ADAMTS16: variants seen among roughly 807,000 people sequenced by gnomAD.
ADAMTS16 encodes the protein A disintegrin and metalloproteinase with thrombospondin motifs 16.
Under a neutral mutation model 145.8 loss-of-function variants are expected in ADAMTS16, and 94 were observed. The ratio of observed to expected loss-of-function variants is 0.64; its 90% CI spans 0.55 to 0.77. The LOEUF is 0.77. Among genes scored for constraint, ADAMTS16 ranks in the 30% least tolerant of loss-of-function variants. ADAMTS16 has a pLI of 0.00. For synonymous variants in ADAMTS16, 659 were observed against 604.3 expected (o/e 1.09, Z -1.33); for missense variants, 1,585 against 1,591.5 (o/e 1.00, Z 0.07).
chr5:5,259,371 G>A (rs1018944304), intron 17 of ADAMTS16, among the ~76,000 whole-genome samples: 2 of 152,218 alleles, frequency 1.3e-5, no homozygotes, highest in Admixed American at 6.5e-5. Flanking sequence ...TTGAATCGAG[G>A]TTCAGGCAGC....
chr5:5,304,809 G>A (rs1739960291), intron 20 of ADAMTS16, among the ~76,000 whole-genome samples: 1 of 152,004 alleles, frequency 6.6e-6, no homozygotes, highest in African/African-American at 2.4e-5. Context: ...CCACAGAACT[G>A]AACGCACTGT....
chr5:5,204,182 T>A (rs1409012970), intron 9 of ADAMTS16, among the ~76,000 whole-genome samples: 1 of 152,128 alleles, frequency 6.6e-6, no homozygotes, highest in Non-Finnish European at 1.5e-5. Flanking sequence ...TCAGTCTTCT[T>A]AACTGAAAAA....
At chr5:5,189,823 C>A (rs777374929) in intron 6 of ADAMTS16, 148 bp from the exon 7 acceptor site, 4 of 896,660 alleles carry the variant, frequency 4.5e-6, no homozygotes, top group Non-Finnish European at 6.7e-6. Context: ...TTATAGAATA[C>A]GTAAAATACA....
At chr5:5,312,624 T>C (rs1457239488) in intron 21 of ADAMTS16, among the ~76,000 whole-genome samples, 2 of 152,178 alleles carry the variant, frequency 1.3e-5, no homozygotes, top group African/African-American at 4.8e-5. Flanking sequence ...ATTTTTGTAA[T>C]TTTAGTAGAG....
intron 18 of ADAMTS16, among the ~76,000 whole-genome samples, chr5:5,263,903 G>A (rs1488037211): frequency 6.6e-6 from 1 of 152,156 alleles, no homozygotes; most frequent in East Asian, 1.9e-4. Flanking sequence ...GAAGAATGAG[G>A]TCATGCTTGA....
At chr5:5,170,552 A>G (rs1035641897) in intron 3 of ADAMTS16, among the ~76,000 whole-genome samples, 2 of 151,484 alleles carry the variant, frequency 1.3e-5, no homozygotes, top group African/African-American at 2.4e-5. Flanking sequence ...CTAATTTTAT[A>G]TTTTTAGTAG....
Position 5,222,729 on chromosome 5 carries a change from T to C in ADAMTS16, c.1606-60T>C. The C allele has an allele frequency of 5.9e-6, 8 of 1,367,384 alleles. No individual in the cohort carries two copies. The South Asian group carries it at 9.4e-5, about 16-fold the overall frequency. The allele number at this position is 1,367,384 out of a possible 1,614,324, so 84.7% of individuals were successfully genotyped here. On this transcript the variant is annotated intron_variant, in intron 10 of 22. Transcript: ENST00000274181. ...ACCTTAAATCTCTCAGTGATATTTTTATTATAGATGAATTGACAATATGAT... is the reference window on the plus strand; with the variant it reads ...ACCTTAAATCTCTCAGTGATATTTTCATTATAGATGAATTGACAATATGAT...
At chr5:5,262,877 T>C in intron 18 of ADAMTS16, 94 bp downstream of exon 18, 2 of 1,539,412 alleles carry the variant, frequency 1.3e-6, no homozygotes, top group Non-Finnish European at 1.8e-6. Flanking sequence ...GAAGTGCTGA[T>C]TGCCATCATG....
chr5:5,181,924 C>T (rs534123189), intron 3 of ADAMTS16, 120 bp from the exon 4 acceptor site: 94 of 1,171,392 alleles, frequency 8.0e-5, no homozygotes, highest in Non-Finnish European at 1.0e-4. Flanking sequence ...TGTTCGCTCT[C>T]ACTGGAGGGA....
chr5:5,151,906 A>G (rs116704406), intron 3 of ADAMTS16, among the ~76,000 whole-genome samples: 234 of 152,208 alleles, frequency 1.5e-3, no homozygotes, highest in African/African-American at 5.4e-3. Flanking sequence ...CCTTTCTGCC[A>G]CTGGGAAGGA....
At chr5:5,206,741 C>T (rs1286340921) in intron 9 of ADAMTS16, among the ~76,000 whole-genome samples, 1 of 152,070 alleles carries the variant, frequency 6.6e-6, no homozygotes, top group East Asian at 1.9e-4. Context: ...CTCAGCCTCC[C>T]TAAGTGCTGG....
At chr5:5,279,965 CTTCT>C (rs1368154380) in intron 18 of ADAMTS16, among the ~76,000 whole-genome samples, 34 of 110,942 alleles carry the variant, frequency 3.1e-4, no homozygotes, top group Admixed American at 7.6e-4. Flanking sequence ...TCCTTCTTTC[CTTCT>C]TTCTTTTTTT....
At chr5:5,155,748 G>A (rs889031167) in intron 3 of ADAMTS16, among the ~76,000 whole-genome samples, 8 of 152,184 alleles carry the variant, frequency 5.3e-5, no homozygotes, top group African/African-American at 1.9e-4. Context: ...CAGGAGGCAG[G>A]AAGCCCACTG....
chr5:5,209,210 A>G lies in ADAMTS16; in HGVS notation c.1569A>G (p.Gly523=), dbSNP rs761983364. 1 of 1,614,022 alleles carries G rather than the reference A, an allele frequency of 6.2e-7. No individual in the cohort carries two copies. Among genetic ancestry groups the G allele is most frequent in the Admixed American group, 1.7e-5 (1 of 60,026 alleles). ...ACACACAGTGCAAGTGGCAGTTCGG[A>G]GAGAAAGCCAAGCTCTGCATGCTGG... ...DANTQCKWQF[G]EKAKLCMLDF... is the part of the protein sequence containing the mutation. Residue 523 remains glycine (G), a synonymous_variant, in exon 10 of 23, where the codon GGA becomes GGG. Coordinates refer to ENST00000274181, the MANE Select transcript of ADAMTS16 (RefSeq NM_139056.4).
chr5:5,247,202 C>T (rs1404214975), intron 17 of ADAMTS16, among the ~76,000 whole-genome samples: 1 of 152,136 alleles, frequency 6.6e-6, no homozygotes, highest in Admixed American at 6.6e-5. Context: ...CTCTTTTAAA[C>T]TTCAGCTAAA....
intron 18 of ADAMTS16, among the ~76,000 whole-genome samples, chr5:5,302,056 C>G (rs34135069): frequency 6.6e-6 from 1 of 152,052 alleles, no homozygotes; most frequent in Non-Finnish European, 1.5e-5. Context: ...CTCAAGCCCT[C>G]CTGCCCAGTG....
At chr5:5,280,607 C>T (rs756573776) in intron 18 of ADAMTS16, among the ~76,000 whole-genome samples, 1 of 152,152 alleles carries the variant, frequency 6.6e-6, no homozygotes, top group African/African-American at 2.4e-5. Flanking sequence ...AACCTCCTTC[C>T]TGGCCTTCCT....
rs1312273219 is a variant in ADAMTS16 at position 5,222,868 on chromosome 5, T to C, written c.1685T>C (p.Ile562Thr). 6.2e-7 allele frequency: 1 copy of C among 1,614,106 alleles called. No homozygotes were observed. The highest frequency in any genetic ancestry group is 2.2e-5 in the East Asian group (1 of 44,872). ...TTTATGCCAGCAGCAGAAGGCACAA[T>C]TTGTGGGCATGACATGGTAAGAAGC... is the stretch of plus-strand genomic sequence containing the variant. ...TKFMPAAEGT[I>T]CGHDMWCRGG... Residue 562 changes from isoleucine (I) to threonine (T), a missense_variant, in exon 11 of 23, where the codon ATT becomes ACT. Physicochemically the swap from Ile to Thr is moderately conservative, Grantham distance 89. Coordinates refer to ENST00000274181, the MANE Select transcript of ADAMTS16 (RefSeq NM_139056.4).
At chr5:5,150,557 A>G (rs957517157) in intron 3 of ADAMTS16, among the ~76,000 whole-genome samples, 1 of 152,238 alleles carries the variant, frequency 6.6e-6, no homozygotes, top group Non-Finnish European at 1.5e-5. Context: ...GACGTGCTGG[A>G]CAAGTTCTGC....
Sources: allele counts gnomAD v4.1 joint callset (sites outside exome capture counted in the v4.1 genomes callset), GRCh38; gene constraint gnomAD v4.1.1; transcripts MANE v1.5; gene names NCBI Gene and HGNC (gene_info 2026-07-23, HGNC 2026-07-21).